Variants in RARB observed in about 807,000 individuals in gnomAD.
RARB encodes HBV-activated protein.
In RARB, 17 loss-of-function variants were observed where a neutral mutation model predicts 51.9. The observed-to-expected ratio is 0.33, with a 90% CI of 0.22 to 0.49. The LOEUF is 0.49. RARB is among the 20% of genes least tolerant of loss of function. RARB has a pLI of 0.99. For synonymous variants in RARB, 215 were observed against 195.4 expected, an observed-to-expected ratio of 1.10 and a Z score of -0.84; for missense variants, 369 against 550.8, an observed-to-expected ratio of 0.67 and a Z score of 3.30.
Position 25,343,697 on chromosome 3 carries a change from A to G in RARB, c.179-117496A>G, listed in dbSNP as rs146178026. On this transcript the variant is annotated intron_variant, in intron 5 of 11. Transcript: ENST00000383772. ...TATGTTGTATCTTTCTAAGAGGTAT[A>G]TGGTTTGTTACTCTTCAAGTCCGTA... Among the ~76,000 whole-genome samples the G allele has an allele frequency of 6.4e-3, 969 of 152,268 alleles. 11 individuals are homozygous for G. Among genetic ancestry groups the G allele is most frequent in the African/African-American group, 0.022 (926 of 41,572 alleles).
intron 2 of RARB, among the ~76,000 whole-genome samples, chr3:24,947,985 T>C (rs1695811088): frequency 6.6e-6 from 1 of 152,216 alleles, no homozygotes; most frequent in Admixed American, 6.5e-5. Context: ...AGAACATATG[T>C]AGCTCTATGA....
intron 2 of RARB, among the ~76,000 whole-genome samples, chr3:24,909,996 A>T (rs576660281): frequency 1.3e-5 from 2 of 152,282 alleles, no homozygotes; most frequent in Admixed American, 1.3e-4. Context: ...TCTGCTTTTA[A>T]TTGTTCTAGC....
intron 5 of RARB, among the ~76,000 whole-genome samples, chr3:25,360,167 G>C (rs1263792820): frequency 6.6e-6 from 1 of 152,114 alleles, no homozygotes; most frequent in South Asian, 2.1e-4. Context: ...TCCTGTATTG[G>C]GTGCATATAT....
chr3:25,281,726 G>A (rs1489011794), intron 5 of RARB, among the ~76,000 whole-genome samples: 2 of 152,152 alleles, frequency 1.3e-5, no homozygotes, highest in African/African-American at 4.8e-5. Context: ...TAATGACTGG[G>A]AGTTGATGTG....
intron 3 of RARB, among the ~76,000 whole-genome samples, chr3:25,501,982 A>G (rs138494771): frequency 1.3e-5 from 2 of 152,316 alleles, no homozygotes; most frequent in African/African-American, 4.8e-5. Flanking sequence ...CACTGCAACA[A>G]ATTTCGCTCT....
intron 2 of RARB, among the ~76,000 whole-genome samples, chr3:24,960,041 T>A (rs1340402785): frequency 6.6e-6 from 1 of 152,210 alleles, no homozygotes; most frequent in East Asian, 1.9e-4. Context: ...AAGACTGAAC[T>A]ATCAATAAAT....
chr3:25,243,624 T>A (rs983881475), intron 5 of RARB, among the ~76,000 whole-genome samples: 2 of 152,192 alleles, frequency 1.3e-5, no homozygotes, highest in African/African-American at 4.8e-5. Flanking sequence ...CTGATTTGTG[T>A]ATGTTGAAAC....
At chr3:25,536,014 C>T (rs750632307) in intron 3 of RARB, among the ~76,000 whole-genome samples, 62 of 152,186 alleles carry the variant, frequency 4.1e-4, no homozygotes, top group Non-Finnish European at 8.2e-4. Context: ...AAGCTATTAG[C>T]GAAGGTGAGG....
intron 5 of RARB, among the ~76,000 whole-genome samples, chr3:25,209,532 T>C (rs1006049576): frequency 3.3e-5 from 5 of 152,176 alleles, no homozygotes; most frequent in African/African-American, 4.8e-5. Flanking sequence ...TTGTGAACAT[T>C]GTTAAAGGAA....
chr3:25,298,233 A>C (rs1267078510), intron 5 of RARB, among the ~76,000 whole-genome samples: 1 of 151,120 alleles, frequency 6.6e-6, no homozygotes, highest in Non-Finnish European at 1.5e-5. Context: ...CCCAGGCTGA[A>C]GTGCAGTGGT....
rs376170107 is a variant in RARB at position 25,420,990 on chromosome 3, C to CAAAAAAAA, written c.179-40203_179-40202insAAAAAAAA. ...GTGCTGAGGCTCAACACCACTTATG[C>CAAAAAAAA]CAAAAAAAAAAAAAAAAAACAGAGT... On this transcript the variant is annotated intron_variant, in intron 5 of 11. Coordinates refer to the RARB transcript ENST00000383772. Among the ~76,000 whole-genome samples, 40 of 62,432 alleles carry CAAAAAAAA rather than the reference C, an allele frequency of 6.4e-4. 2 individuals carry two copies. The highest frequency in any genetic ancestry group is 7.9e-4 in the Admixed American group (5 of 6,294). The allele number at this position is 62,432 out of a possible 152,430, so 41.0% of individuals were successfully genotyped here.
intron 3 of RARB, among the ~76,000 whole-genome samples, chr3:25,526,619 A>G (rs1473691843): frequency 2.6e-5 from 4 of 152,210 alleles, no homozygotes; most frequent in African/African-American, 9.6e-5. Flanking sequence ...CCAACATTAA[A>G]TAGCACATAA....
chr3:24,935,707 C>A (rs1695534674), intron 2 of RARB, among the ~76,000 whole-genome samples: 1 of 152,056 alleles, frequency 6.6e-6, no homozygotes, highest in Non-Finnish European at 1.5e-5. Context: ...TTCAAGTAGG[C>A]CTGGCAGGAT....
chr3:25,297,465 T>C (rs529449592), intron 5 of RARB, among the ~76,000 whole-genome samples: 161 of 146,598 alleles, frequency 1.1e-3, no homozygotes, highest in African/African-American at 4.0e-3. Context: ...GTCTTGGATT[T>C]AGACTGGTCA....
At chr3:25,521,901 G>A (rs891151849) in intron 3 of RARB, among the ~76,000 whole-genome samples, 10 of 152,002 alleles carry the variant, frequency 6.6e-5, no homozygotes, top group South Asian at 2.1e-4. Flanking sequence ...AACCTAATTC[G>A]TACTGTGCTC....
At chr3:25,306,412 A>T (rs1217529373) in intron 5 of RARB, among the ~76,000 whole-genome samples, 1 of 151,632 alleles carries the variant, frequency 6.6e-6, no homozygotes, top group Non-Finnish European at 1.5e-5. Flanking sequence ...TTTTTTGTTC[A>T]TTTTCTGTTT....
intron 2 of RARB, among the ~76,000 whole-genome samples, chr3:24,930,241 C>T (rs1695410148): frequency 6.6e-6 from 1 of 151,948 alleles, no homozygotes; most frequent in South Asian, 2.1e-4. Flanking sequence ...AGAGAGCTCT[C>T]CTTTGAGGGC....
chr3:25,027,141 C>G (rs545924615), intron 2 of RARB, among the ~76,000 whole-genome samples: 1 of 152,204 alleles, frequency 6.6e-6, no homozygotes, highest in East Asian at 1.9e-4. Flanking sequence ...AAAAGAATAA[C>G]TTACTCAGAA....
At chr3:24,857,320 G>C (rs1269100606) in intron 1 of RARB, among the ~76,000 whole-genome samples, 1 of 152,064 alleles carries the variant, frequency 6.6e-6, no homozygotes, top group Non-Finnish European at 1.5e-5. Context: ...TCCAAGATTA[G>C]GTGCAACACG....
Sources: gnomAD v4.1 joint callset for allele counts (sites outside exome capture counted in the v4.1 genomes callset) on GRCh38, gnomAD v4.1.1 for gene constraint, MANE v1.5 for transcripts, NCBI Gene and HGNC (gene_info 2026-07-23, HGNC 2026-07-21) for gene names.